Variants in AUTS2 observed in about 807,000 individuals in gnomAD.
AUTS2 encodes activator of transcription and developmental regulator AUTS2, also known as autism susceptibility gene 2 protein.
A neutral mutation model predicts 112.4 loss-of-function variants in AUTS2; 17 were observed. The ratio of observed to expected loss-of-function variants is 0.15; its 90% confidence interval spans 0.10 to 0.23. The LOEUF is 0.23. Ranked by LOEUF, AUTS2 falls within the 10% of genes least tolerant of loss-of-function variation. The pLI, the probability that AUTS2 is intolerant of heterozygous loss-of-function variation, is 1.00. For missense variants in AUTS2, 1,510 were observed against 1,701.6 expected (o/e 0.89, Z 1.98); for synonymous variants, 751 against 702.7 (o/e 1.07, Z -1.09).
chr7:70,285,444 A>G (rs1788412908), intron 4 of AUTS2, among the ~76,000 whole-genome samples: 1 of 152,192 alleles, frequency 6.6e-6, no homozygotes, highest in South Asian at 2.1e-4. Flanking sequence ...GTTAGCCCAG[A>G]CATAAATGGA....
chr7:70,004,224 GAA>G, intron 2 of AUTS2, among the ~76,000 whole-genome samples: 1 of 133,494 alleles, frequency 7.5e-6, no homozygotes, highest in Admixed American at 8.2e-5. Flanking sequence ...TGTTATATGT[GAA>G]TATATATTAT....
chr7:69,688,778 T>C (rs892794926), intron 1 of AUTS2, among the ~76,000 whole-genome samples: 7 of 152,162 alleles, frequency 4.6e-5, no homozygotes, highest in Non-Finnish European at 8.8e-5. Flanking sequence ...CTCCCTATCT[T>C]CCCCACACCC....
At chr7:70,069,433 C>T (rs148944338) in intron 2 of AUTS2, among the ~76,000 whole-genome samples, 1 of 152,300 alleles carries the variant, frequency 6.6e-6, no homozygotes, top group Non-Finnish European at 1.5e-5. Context: ...CATACAGGAT[C>T]AGTTAGGTTA....
chr7:69,789,850 C>T (rs1250085407), intron 1 of AUTS2, among the ~76,000 whole-genome samples: 1 of 152,094 alleles, frequency 6.6e-6, no homozygotes, highest in Non-Finnish European at 1.5e-5. Context: ...GTTAAAAATA[C>T]CTGTCATTGT....
At chr7:70,426,774 A>T (rs992808104) in intron 4 of AUTS2, among the ~76,000 whole-genome samples, 1 of 152,206 alleles carries the variant, frequency 6.6e-6, no homozygotes, top group Non-Finnish European at 1.5e-5. Flanking sequence ...TAGCTAGCTC[A>T]TATCACTGCA....
At chr7:70,698,666 G>T in intron 6 of AUTS2, 46 bp downstream of exon 6, 1 of 1,406,504 alleles carries the variant, frequency 7.1e-7, no homozygotes. Context: ...TTTTATGTTA[G>T]TTTCATTGTC....
intron 6 of AUTS2, among the ~76,000 whole-genome samples, chr7:70,729,987 A>G (rs1255612403): frequency 6.6e-6 from 1 of 152,076 alleles, no homozygotes; most frequent in African/African-American, 2.4e-5. Context: ...GGTTGAAGTG[A>G]TTCTCTTGCC....
intron 5 of AUTS2, among the ~76,000 whole-genome samples, chr7:70,557,819 G>A (rs1441568160): frequency 6.6e-6 from 1 of 152,220 alleles, no homozygotes; most frequent in Non-Finnish European, 1.5e-5. Flanking sequence ...AGCCAGCTGA[G>A]AGGCAACGAT....
intron 4 of AUTS2, chr7:70,292,145 A>G (rs1351412157): frequency 6.6e-6 from 1 of 152,110 alleles, no homozygotes; most frequent in Non-Finnish European, 1.5e-5. Context: ...ATTGAATTCT[A>G]TTCTTATGCC....
At chr7:70,423,162 G>A (rs1275469956) in intron 4 of AUTS2, among the ~76,000 whole-genome samples, 1 of 152,210 alleles carries the variant, frequency 6.6e-6, no homozygotes, top group Non-Finnish European at 1.5e-5. Context: ...GTGGTGGTCT[G>A]TTGGATCCTT....
At chr7:70,194,611 G>C (rs889649457) in intron 4 of AUTS2, 19 of 152,222 alleles carry the variant, frequency 1.2e-4, no homozygotes, top group African/African-American at 4.6e-4. Flanking sequence ...TTTCCTTGAA[G>C]GACAGTGATG....
intron 2 of AUTS2, among the ~76,000 whole-genome samples, chr7:69,921,149 T>G (rs1795792772): frequency 6.6e-6 from 1 of 152,184 alleles, no homozygotes; most frequent in Non-Finnish European, 1.5e-5. Flanking sequence ...TGTGAGAATT[T>G]TTCCTAATCA....
intron 3 of AUTS2, among the ~76,000 whole-genome samples, chr7:70,129,401 A>C (rs774548783): frequency 1.3e-5 from 2 of 152,198 alleles, no homozygotes; most frequent in Non-Finnish European, 2.9e-5. Flanking sequence ...TTTACTCAGC[A>C]TATCAATATA....
intron 4 of AUTS2, among the ~76,000 whole-genome samples, chr7:70,236,190 T>C (rs1305014028): frequency 6.6e-6 from 1 of 152,212 alleles, no homozygotes; most frequent in Non-Finnish European, 1.5e-5. Context: ...AATGAATGAA[T>C]GAACACAGAT....
At chr7:70,490,386 C>G (rs1798184866) in intron 5 of AUTS2, among the ~76,000 whole-genome samples, 2 of 151,790 alleles carry the variant, frequency 1.3e-5, no homozygotes, top group Admixed American at 1.3e-4. Context: ...AGGACAGGAG[C>G]TCGACAAGCA....
intron 6 of AUTS2, among the ~76,000 whole-genome samples, chr7:70,751,994 G>T (rs528246155): frequency 5.9e-5 from 9 of 151,986 alleles, no homozygotes; most frequent in Non-Finnish European, 1.2e-4. Context: ...CAAAGTTCTG[G>T]GATTACAGGT....
chr7:70,775,333 C>G, intron 12 of AUTS2, 24 bp from the exon 13 acceptor site: 3 of 1,608,414 alleles, frequency 1.9e-6, no homozygotes. Context: ...GGCATGTAAC[C>G]AAGTTGTCAT....
intron 5 of AUTS2, among the ~76,000 whole-genome samples, chr7:70,515,993 G>A (rs984809462): frequency 2.1e-4 from 32 of 152,126 alleles, no homozygotes; most frequent in African/African-American, 6.8e-4. Context: ...CCAAACGATC[G>A]TTCACCTTCA....
At chr7:70,196,050 T>TCC (rs1810156512) in intron 4 of AUTS2, among the ~76,000 whole-genome samples, 1 of 152,220 alleles carries the variant, frequency 6.6e-6, no homozygotes, top group African/African-American at 2.4e-5. Flanking sequence ...GCAGCAGGAA[T>TCC]TTATACTTTG....
Sources: gnomAD v4.1 joint callset for allele counts (sites outside exome capture counted in the v4.1 genomes callset) on GRCh38, gnomAD v4.1.1 for gene constraint, MANE v1.5 for transcripts, NCBI Gene and HGNC (gene_info 2026-07-23, HGNC 2026-07-21) for gene names.